ATL2: variants seen among roughly 807,000 people sequenced by gnomAD.
ATL2 encodes atlastin-2.
Under a neutral mutation model 73.9 loss-of-function variants are expected in ATL2, and 31 were observed. The ratio of observed to expected loss-of-function variants is 0.42; its 90% CI spans 0.32 to 0.57. The LOEUF (loss-of-function observed/expected upper bound fraction) is 0.57, where lower values mean the gene tolerates loss of function less well. Among genes scored for constraint, ATL2 ranks in the 20% least tolerant of loss-of-function variants. ATL2 has a pLI of 0.14. For synonymous variants in ATL2, 291 were observed against 237.5 expected (o/e 1.23, Z -2.07); for missense variants, 738 against 702.6 (o/e 1.05, Z -0.57).
At chr2:38,328,579 G>T (rs2148456802) in intron 2 of ATL2, among the ~76,000 whole-genome samples, 1 of 152,156 alleles carries the variant, frequency 6.6e-6, no homozygotes, top group Non-Finnish European at 1.5e-5. Context: ...ACCTCAAAAT[G>T]ACACAGGAGT....
chr2:38,332,073 T>C (rs1669028728), intron 2 of ATL2, among the ~76,000 whole-genome samples: 3 of 152,164 alleles, frequency 2.0e-5, no homozygotes, highest in African/African-American at 7.2e-5. Context: ...AAAGACCACA[T>C]TTTTTAAGAT....
intron 2 of ATL2, among the ~76,000 whole-genome samples, chr2:38,331,637 CAT>C (rs987077016): frequency 1.4e-5 from 2 of 145,598 alleles, no homozygotes; most frequent in Non-Finnish European, 3.0e-5. Context: ...AAAAATAGAA[CAT>C]GTATACAGAT....
intron 1 of ATL2, chr2:38,376,434 A>C: frequency 3.0e-6 from 1 of 335,486 alleles, no homozygotes; most frequent in Non-Finnish European, 5.3e-6. Context: ...CTATCGTCCA[A>C]GTGACTCGTA....
chr2:38,325,699 TACACACACACACACACACACACACACAC>T (rs1221635411), intron 2 of ATL2, among the ~76,000 whole-genome samples: 211 of 11,310 alleles, frequency 0.019, 12 homozygotes, highest in Middle Eastern at 0.056. Flanking sequence ...CACACACCAG[TACACACACACACACACACACACACACAC>T]ACACACACAC....
At chr2:38,317,353 A>C (rs1412021200) in intron 4 of ATL2, among the ~76,000 whole-genome samples, 1 of 152,234 alleles carries the variant, frequency 6.6e-6, no homozygotes, top group Admixed American at 6.5e-5. Flanking sequence ...AGATGATCTC[A>C]GAAAAGAAAA....
chr2:38,325,673 C>CAG (rs1668581317), intron 2 of ATL2, among the ~76,000 whole-genome samples: 3 of 74,776 alleles, frequency 4.0e-5, no homozygotes, highest in African/African-American at 3.7e-4. Flanking sequence ...CACACACACA[C>CAG]ACACACACAC....
At chr2:38,331,498 T>C (rs569704261) in intron 2 of ATL2, among the ~76,000 whole-genome samples, 2 of 140,108 alleles carry the variant, frequency 1.4e-5, no homozygotes, top group African/African-American at 5.3e-5. Context: ...TAGTCCCAGC[T>C]ACTTGGAAGG....
intron 1 of ATL2, among the ~76,000 whole-genome samples, chr2:38,368,371 G>T (rs576865229): frequency 6.6e-6 from 1 of 151,262 alleles, no homozygotes; most frequent in Non-Finnish European, 1.5e-5. Context: ...TCCTGCCTCA[G>T]CCTCCCTAGT....
At chr2:38,315,240 A>T in intron 5 of ATL2, 44 bp downstream of exon 5, 2 of 1,428,356 alleles carry the variant, frequency 1.4e-6, no homozygotes, top group Non-Finnish European at 1.8e-6. Context: ...AACAAGAGCG[A>T]AACTCCATCT....
chr2:38,334,902 T>TATA (rs370256885), intron 2 of ATL2, among the ~76,000 whole-genome samples: 1 of 65,320 alleles, frequency 1.5e-5, no homozygotes, highest in Non-Finnish European at 3.1e-5. Flanking sequence ...ATATATATTA[T>TATA]TTATAATATA....
chr2:38,318,499 C>T (rs201458074), intron 4 of ATL2, 36 bp downstream of exon 4: 38 of 1,455,644 alleles, frequency 2.6e-5, no homozygotes, highest in Admixed American at 4.5e-5. Context: ...CAAATGATTA[C>T]GTGAACTGAT....
intron 1 of ATL2, among the ~76,000 whole-genome samples, chr2:38,346,717 C>A (rs954883026): frequency 9.9e-5 from 15 of 152,206 alleles, no homozygotes; most frequent in African/African-American, 3.6e-4. Flanking sequence ...GGAGGCGAAG[C>A]TCAGGCAGTA....
chr2:38,334,318 C>A (rs1373764687), intron 2 of ATL2, among the ~76,000 whole-genome samples: 2 of 151,864 alleles, frequency 1.3e-5, no homozygotes, highest in African/African-American at 4.8e-5. Flanking sequence ...GCATGAGCCA[C>A]CGAGCCCAGC....
chr2:38,357,018 T>C (rs758088086), intron 1 of ATL2, among the ~76,000 whole-genome samples: 14 of 152,174 alleles, frequency 9.2e-5, no homozygotes, highest in Admixed American at 1.3e-4. Flanking sequence ...CATAATTTAA[T>C]GCTGGAAATC....
intron 2 of ATL2, among the ~76,000 whole-genome samples, chr2:38,337,034 C>G (rs1669397100): frequency 6.6e-6 from 1 of 151,988 alleles, no homozygotes; most frequent in Non-Finnish European, 1.5e-5. Flanking sequence ...ATCTGCAAAT[C>G]CAGAGTGGGA....
At chr2:38,304,989 G>A (rs983501566) in intron 9 of ATL2, among the ~76,000 whole-genome samples, 35 of 151,890 alleles carry the variant, frequency 2.3e-4, no homozygotes, top group African/African-American at 6.5e-4. Context: ...GGCTGAATGG[G>A]TTTTAAAAAA....
chr2:38,363,821 G>C (rs13418494), intron 1 of ATL2, among the ~76,000 whole-genome samples: 4,372 of 152,242 alleles, frequency 0.029, 112 homozygotes, highest in Non-Finnish European at 0.043. Flanking sequence ...AACACAAAAA[G>C]TATAAAAGGA....
At chr2:38,317,987 T>TC (rs963962108) in intron 4 of ATL2, among the ~76,000 whole-genome samples, 23 of 152,106 alleles carry the variant, frequency 1.5e-4, no homozygotes, top group Non-Finnish European at 1.5e-5. Context: ...TCCTTTTTTT[T>TC]CCCTTCAATC....
chr2:38,312,870 A>C (rs562773481), intron 7 of ATL2, among the ~76,000 whole-genome samples: 1 of 152,310 alleles, frequency 6.6e-6, no homozygotes, highest in East Asian at 1.9e-4. Flanking sequence ...GTAGTTCTTT[A>C]TGCTGTGTGA....
Sources: gnomAD v4.1 joint callset for allele counts (sites outside exome capture counted in the v4.1 genomes callset) on GRCh38, gnomAD v4.1.1 for gene constraint, MANE v1.5 for transcripts, NCBI Gene and HGNC (gene_info 2026-07-23, HGNC 2026-07-21) for gene names.